Variants in TSBP1 observed in about 807,000 individuals in gnomAD.
TSBP1 encodes the protein testis expressed basic protein 1.
TSBP1 carries 56 observed loss-of-function variants against 68.8 expected under a neutral mutation model. The observed-to-expected ratio is 0.81, with a 90% CI of 0.66 to 1.02. TSBP1 has a LOEUF of 1.02. Ranked by LOEUF, TSBP1 falls within the 50% of genes least tolerant of loss-of-function variation. The pLI is 0.00. For synonymous variants in TSBP1, 171 were observed against 208.7 expected (o/e 0.82, Z 1.56); for missense variants, 502 against 641.2 (o/e 0.78, Z 2.34).
intron 15 of TSBP1, among the ~76,000 whole-genome samples, chr6:32,330,871 A>G (rs9296023): frequency 0.33 from 50,690 of 151,458 alleles, 9,438 homozygotes; most frequent in Middle Eastern, 0.51. Flanking sequence ...GGGTTTCACC[A>G]TGTTGGCCAG....
At chr6:32,353,826 C>A (rs908429921) in intron 8 of TSBP1, among the ~76,000 whole-genome samples, 2 of 151,806 alleles carry the variant, frequency 1.3e-5, no homozygotes, top group Non-Finnish European at 2.9e-5. Flanking sequence ...CAAGATGAGA[C>A]GAAATCCCTC....
At chr6:32,369,440 G>T in intron 2 of TSBP1, among the ~76,000 whole-genome samples, 1 of 142,142 alleles carries the variant, frequency 7.0e-6, no homozygotes. Context: ...GCGTGATCTC[G>T]GCTCACTGCA....
intron 19 of TSBP1, among the ~76,000 whole-genome samples, chr6:32,311,724 G>A (rs1562081545): frequency 6.6e-6 from 1 of 152,178 alleles, no homozygotes; most frequent in African/African-American, 2.4e-5. Context: ...GAAGAATAGC[G>A]CTTTCTTTTT....
At chr6:32,301,772 A>G (rs1431164291) in intron 20 of TSBP1, among the ~76,000 whole-genome samples, 15 of 150,770 alleles carry the variant, frequency 9.9e-5, no homozygotes, top group Admixed American at 9.9e-4. Flanking sequence ...ATATACCAGG[A>G]TTGTTTACCA....
chr6:32,358,469 T>A (rs9268305), intron 6 of TSBP1, among the ~76,000 whole-genome samples: 1 of 151,654 alleles, frequency 6.6e-6, no homozygotes, highest in Admixed American at 6.6e-5. Flanking sequence ...CAACGTGCAG[T>A]TTTGTTACAT....
intron 19 of TSBP1, among the ~76,000 whole-genome samples, chr6:32,313,539 G>A (rs1766629927): frequency 6.6e-6 from 1 of 151,990 alleles, no homozygotes; most frequent in Admixed American, 6.6e-5. Flanking sequence ...TATTTCTCTG[G>A]GTTGGAATTC....
chr6:32,332,069 A>G lies in TSBP1; in HGVS notation c.473-15T>C. ...TGGAGTTTGCACTAAAAAGAAATTC[A>G]AATTGGCATATTAGTACAGTTATTT... On this transcript the variant is annotated splice_polypyrimidine_tract_variant and intron_variant, in intron 14 of 22. Transcript: ENST00000612031. 6.3e-7 allele frequency: 1 copy of G among 1,586,300 alleles called. No individual in the cohort carries two copies. Among genetic ancestry groups the G allele is most frequent in the Non-Finnish European group, 8.7e-7 (1 of 1,155,694 alleles).
intron 6 of TSBP1, among the ~76,000 whole-genome samples, chr6:32,358,059 C>T (rs886578600): frequency 5.9e-5 from 9 of 152,188 alleles, no homozygotes; most frequent in Admixed American, 5.2e-4. Flanking sequence ...GGTAGCTCAC[C>T]TTTGTGTGGT....
At position 32,315,635 on chromosome 6, in the gene TSBP1, T is replaced by C. The variant is rs1240718055; in HGVS notation, c.580+137A>G. On this transcript the variant is annotated intron_variant, in intron 19 of 22. Coordinates refer to ENST00000612031, the Ensembl canonical transcript of TSBP1. The surrounding 1 kb of genome is among the most constrained non-coding windows in gnomAD (Gnocchi z 5.4). ...ATGAATCAAAAAGTTTGTCTTGCAGTCCTAATCTGGAGGACTTTGGGTAAT... is the reference window on the plus strand; with the variant it reads ...ATGAATCAAAAAGTTTGTCTTGCAGCCCTAATCTGGAGGACTTTGGGTAAT... The C allele has an allele frequency of 1.8e-6, 1 of 564,224 alleles. No individual in the cohort carries two copies. Among genetic ancestry groups the C allele is most frequent in the East Asian group, 2.9e-5 (1 of 34,962 alleles). The allele number at this position is 564,224 out of a possible 1,614,324, so 35.0% of individuals were successfully genotyped here. A position where few individuals can be genotyped will look rare whatever the true frequency, so the allele number is the denominator to read the frequency against.
intron 9 of TSBP1, among the ~76,000 whole-genome samples, chr6:32,346,405 C>T (rs1461880820): frequency 1.3e-5 from 2 of 149,766 alleles, no homozygotes; most frequent in African/African-American, 2.5e-5. Flanking sequence ...AATTCCTAAT[C>T]GGACGTTCCT....
In TSBP1 at chr6:32,361,553, T is replaced by C. The variant is rs1035513976; in HGVS notation, c.217+4614A>G. Among the ~76,000 whole-genome samples the C allele has an allele frequency of 2.6e-5, 4 of 152,202 alleles. No individual in the cohort carries two copies. The highest frequency in any genetic ancestry group is 9.6e-5 in the African/African-American group (4 of 41,464). ...CTCTCCAGCACCTGTTTCCTGACTT[T>C]TTAATGATTGCCATTCTAACTGGTG... On this transcript the variant is annotated intron_variant, in intron 6 of 22. Coordinates refer to ENST00000612031, the Ensembl canonical transcript of TSBP1. This position sits in a 1 kb window ranked among gnomAD's most constrained non-coding sequence, Gnocchi z 4.3.
chr6:32,364,443 G>A (rs1412440421), intron 6 of TSBP1, among the ~76,000 whole-genome samples: 1 of 123,036 alleles, frequency 8.1e-6, no homozygotes, highest in Admixed American at 9.0e-5. Context: ...ACTCTGACTA[G>A]ATAATTTTAA....
Position 32,316,504 on chromosome 6 carries a change from G to A in TSBP1, c.560-712C>T. The A allele has an allele frequency of 9.9e-7, 1 of 1,013,966 alleles. No individual in the cohort carries two copies. Among genetic ancestry groups the A allele is most frequent in the Admixed American group, 2.2e-5 (1 of 46,140 alleles). The allele number at this position is 1,013,966 out of a possible 1,614,324, so 62.8% of individuals were successfully genotyped here. On this transcript the variant is annotated intron_variant, in intron 18 of 22. Coordinates refer to ENST00000612031, the Ensembl canonical transcript of TSBP1. The surrounding 1 kb of genome is among the most constrained non-coding windows in gnomAD (Gnocchi z 4.5). ...ATTTGTGTTGGGGAGAATCTTGGTA[G>A]TCACACAGCTCTGGATGACAATGGC...
At chr6:32,344,482 C>T (rs1770746846) in intron 9 of TSBP1, among the ~76,000 whole-genome samples, 1 of 151,842 alleles carries the variant, frequency 6.6e-6, no homozygotes, top group African/African-American at 2.4e-5. Flanking sequence ...GGACAAGGTC[C>T]CTAGACAAAC....
chr6:32,320,243 T>A (rs1441111913), intron 18 of TSBP1: 2 of 456,626 alleles, frequency 4.4e-6, no homozygotes, highest in Non-Finnish European at 8.8e-6. Context: ...TCAGCTGTTT[T>A]GACTTGGAAT....
chr6:32,331,820 G>T (rs1488145121), intron 15 of TSBP1, among the ~76,000 whole-genome samples: 1 of 152,128 alleles, frequency 6.6e-6, no homozygotes, highest in African/African-American at 2.4e-5. Flanking sequence ...TGGACGTAAA[G>T]CCTACATTTG....
intron 18 of TSBP1, chr6:32,320,156 T>G (rs1395403664): frequency 2.2e-6 from 1 of 456,172 alleles, no homozygotes; most frequent in Non-Finnish European, 4.4e-6. Flanking sequence ...TTCTATGATA[T>G]AAATACCCTG....
intron 15 of TSBP1, 114 bp from the exon 17 acceptor site, chr6:32,330,723 T>G: frequency 7.9e-7 from 1 of 1,267,040 alleles, no homozygotes; most frequent in Non-Finnish European, 1.1e-6. Flanking sequence ...CAGGCTGGAG[T>G]GTGGTAGGGT....
chr6:32,330,633 TAA>T (rs1554197022), intron 15 of TSBP1, 24 bp from the exon 17 acceptor site: 2 of 1,353,744 alleles, frequency 1.5e-6, no homozygotes, highest in Non-Finnish European at 2.0e-6. Context: ...ACAAACAAAT[TAA>T]ACACACACAC....
Sources: allele counts gnomAD v4.1 joint callset (sites outside exome capture counted in the v4.1 genomes callset), GRCh38; gene constraint gnomAD v4.1.1; non-coding constraint Gnocchi (gnomAD v3.1); transcripts MANE v1.5; gene names NCBI Gene and HGNC (gene_info 2026-07-23, HGNC 2026-07-21).